SOCS5: variants seen among roughly 807,000 people sequenced by gnomAD.
The protein encoded by SOCS5 is CIS-6.
Under a neutral mutation model 42.8 loss-of-function variants are expected in SOCS5, and 32 were observed. The observed-to-expected ratio is 0.75, with a 90% CI of 0.56 to 1.01. The LOEUF is 1.01. SOCS5 is among the 50% of genes least tolerant of loss of function. The pLI is 0.00. For missense variants in SOCS5, 627 were observed against 653.0 expected, an observed-to-expected ratio of 0.96 and a Z score of 0.43; for synonymous variants, 283 against 229.6, an observed-to-expected ratio of 1.23 and a Z score of -2.10.
At chr2:46,746,038 G>A (rs1006970597) in intron 1 of SOCS5, among the ~76,000 whole-genome samples, 1 of 151,010 alleles carries the variant, frequency 6.6e-6, no homozygotes. Flanking sequence ...AGCCAGACAC[G>A]GAGCCCTTTG....
intron 1 of SOCS5, among the ~76,000 whole-genome samples, chr2:46,706,940 C>G (rs547575425): frequency 6.6e-6 from 1 of 152,250 alleles, no homozygotes; most frequent in East Asian, 1.9e-4. Context: ...ATTTTGGAAT[C>G]TCAGAGTGAG....
chr2:46,748,036 TTGA>T (rs1250172292), intron 1 of SOCS5, among the ~76,000 whole-genome samples: 1 of 152,184 alleles, frequency 6.6e-6, no homozygotes. Flanking sequence ...GAGTTTCTAG[TTGA>T]TGATTTTGTT....
chr2:46,703,029 C>A (rs1039517629), intron 1 of SOCS5, among the ~76,000 whole-genome samples: 8 of 152,212 alleles, frequency 5.3e-5, no homozygotes, highest in Non-Finnish European at 1.2e-4. Flanking sequence ...TCTTATCTGT[C>A]ATGCAAGAGC....
chr2:46,727,529 C>A (rs780399447), intron 1 of SOCS5, among the ~76,000 whole-genome samples: 1 of 152,174 alleles, frequency 6.6e-6, no homozygotes, highest in Non-Finnish European at 1.5e-5. Context: ...TTGGGTTCAA[C>A]CTTCAAGTTG....
intron 1 of SOCS5, among the ~76,000 whole-genome samples, chr2:46,720,213 C>T (rs1237337353): frequency 6.6e-6 from 1 of 152,142 alleles, no homozygotes; most frequent in African/African-American, 2.4e-5. Flanking sequence ...CCTTGCACAT[C>T]CTTGCTGTTC....
In SOCS5 at chr2:46,760,963, T is replaced by C. The variant is rs1319888163; in HGVS notation, c.*822T>C. The C allele has an allele frequency of 6.0e-6, 1 of 167,084 alleles. No individual in the cohort carries two copies. Among genetic ancestry groups the C allele is most frequent in the Admixed American group, 6.5e-5 (1 of 15,284 alleles). The allele number at this position is 167,084 out of a possible 1,614,324, so 10.4% of individuals were successfully genotyped here. On this transcript the variant is annotated 3_prime_UTR_variant, in exon 2 of 2. Coordinates refer to ENST00000394861, the MANE Select transcript of SOCS5 (RefSeq NM_144949.3). ...ATCTGTTCCTATGCCCAGGATGATT[T>C]TGTGAACCGTGAAGTACGTGAGACT...
At chr2:46,757,129 G>T (rs1408695286) in intron 1 of SOCS5, among the ~76,000 whole-genome samples, 1 of 152,166 alleles carries the variant, frequency 6.6e-6, no homozygotes, top group African/African-American at 2.4e-5. Context: ...AGCCTTTTCT[G>T]TGAGAAACTA....
At chr2:46,745,738 ACT>A (rs1040170331) in intron 1 of SOCS5, among the ~76,000 whole-genome samples, 4 of 152,144 alleles carry the variant, frequency 2.6e-5, no homozygotes, top group Non-Finnish European at 5.9e-5. Context: ...CCCATGAAAG[ACT>A]CTGCACAAAT....
In SOCS5 at chr2:46,717,826, C is replaced by T. The variant is rs576182279; in HGVS notation, c.-13+18377C>T. On this transcript the variant is annotated intron_variant, in intron 1 of 1. Coordinates refer to ENST00000394861, the MANE Select transcript of SOCS5 (RefSeq NM_144949.3). ...AGCTGCTAGGAATTTTAATGTCTCC[C>T]GGACCTGTGCTTACAAGCTTAGGTA... Among the ~76,000 whole-genome samples, 22 of 152,238 alleles carry T rather than the reference C, an allele frequency of 1.4e-4. No homozygotes were observed. The Middle Eastern group carries it at 0.01, about 71-fold the overall frequency.
chr2:46,762,808 A>C lies in SOCS5; in HGVS notation c.*2667A>C, dbSNP rs1673898978. ...AGTTGAGATACATCTTTATAGTTGA[A>C]ATAATTAACCCAAGAAAAGGTTGCT... On this transcript the variant is annotated 3_prime_UTR_variant, in exon 2 of 2. Transcript: ENST00000394861. The C allele has an allele frequency of 6.0e-6, 1 of 165,294 alleles. No homozygotes were observed. Among genetic ancestry groups the C allele is most frequent in the Admixed American group, 6.5e-5 (1 of 15,268 alleles). 10.2% of individuals were successfully genotyped at this position (165,294 alleles called of 1,614,324 possible).
intron 1 of SOCS5, among the ~76,000 whole-genome samples, chr2:46,732,550 A>G (rs1460844610): frequency 6.6e-6 from 1 of 152,236 alleles, no homozygotes; most frequent in Non-Finnish European, 1.5e-5. Flanking sequence ...CAAATTCATC[A>G]TGGCCCAATG....
At chr2:46,707,307 T>C (rs1330137164) in intron 1 of SOCS5, among the ~76,000 whole-genome samples, 1 of 152,240 alleles carries the variant, frequency 6.6e-6, no homozygotes, top group Non-Finnish European at 1.5e-5. Flanking sequence ...TTAGTCTGTA[T>C]TGACCATGTT....
chr2:46,720,636 T>G (rs1672857580), intron 1 of SOCS5, among the ~76,000 whole-genome samples: 1 of 152,200 alleles, frequency 6.6e-6, no homozygotes, highest in Admixed American at 6.5e-5. Context: ...CTGTGGTTAG[T>G]GTTTGTAATT....
chr2:46,741,574 A>G (rs1047243582), intron 1 of SOCS5, among the ~76,000 whole-genome samples: 1 of 152,208 alleles, frequency 6.6e-6, no homozygotes, highest in African/African-American at 2.4e-5. Flanking sequence ...GAAACTATCC[A>G]GAAATAACCA....
intron 1 of SOCS5, among the ~76,000 whole-genome samples, chr2:46,743,311 A>G (rs1311911920): frequency 2.0e-5 from 3 of 152,192 alleles, no homozygotes; most frequent in African/African-American, 7.2e-5. Flanking sequence ...TGGCTCTTCC[A>G]TAGAGCGGCC....
At chr2:46,699,157 C>G (rs1672282368), upstream of SOCS5, 1 of 153,966 alleles carries the variant, frequency 6.5e-6, no homozygotes, top group African/African-American at 2.4e-5. The surrounding 1 kb of genome is among the most constrained non-coding windows in gnomAD (Gnocchi z 4.8). Context: ...CCCCCCGCCC[C>G]CCGCCCCGGG....
intron 1 of SOCS5, among the ~76,000 whole-genome samples, chr2:46,752,994 T>C: frequency 6.6e-6 from 1 of 152,204 alleles, no homozygotes; most frequent in Non-Finnish European, 1.5e-5. Context: ...AGGTGCTTGC[T>C]TGGACTCCTG....
At chr2:46,735,325 C>A (rs1316798162) in intron 1 of SOCS5, among the ~76,000 whole-genome samples, 2 of 152,224 alleles carry the variant, frequency 1.3e-5, no homozygotes, top group African/African-American at 4.8e-5. Flanking sequence ...AAAAAAGAGA[C>A]AAAGGGCATA....
At chr2:46,711,142 GTTTTC>G (rs924069537) in intron 1 of SOCS5, among the ~76,000 whole-genome samples, 13 of 152,248 alleles carry the variant, frequency 8.5e-5, no homozygotes, top group African/African-American at 2.9e-4. Flanking sequence ...TTTGTGACAT[GTTTTC>G]TTTTCTCTTG....
Sources: gnomAD v4.1 joint callset for allele counts (sites outside exome capture counted in the v4.1 genomes callset) on GRCh38, gnomAD v4.1.1 for gene constraint, Gnocchi (gnomAD v3.1) non-coding constraint, MANE v1.5 for transcripts, NCBI Gene and HGNC (gene_info 2026-07-23, HGNC 2026-07-21) for gene names.